Variants in ZCCHC4 observed in about 807,000 individuals in gnomAD.
The protein encoded by ZCCHC4 is rRNA N(6)-adenosine-methyltransferase ZCCHC4.
A neutral mutation model predicts 67.7 loss-of-function variants in ZCCHC4; 54 were observed. The observed-to-expected ratio is 0.80, with a 90% CI of 0.64 to 1.00. The LOEUF (loss-of-function observed/expected upper bound fraction) is 1.00, where lower values mean the gene tolerates loss of function less well. ZCCHC4 is among the 50% of genes least tolerant of loss of function. ZCCHC4 has a pLI of 0.00. For synonymous variants in ZCCHC4, 198 were observed against 213.5 expected (o/e 0.93, Z 0.63); for missense variants, 609 against 617.0 (o/e 0.99, Z 0.14).
At chr4:25,318,647 G>C (rs1437122723) in intron 3 of ZCCHC4, among the ~76,000 whole-genome samples, 4 of 151,662 alleles carry the variant, frequency 2.6e-5, no homozygotes, top group Non-Finnish European at 5.9e-5. Context: ...GAGCCACCAT[G>C]CCAGGCCTAA....
intron 3 of ZCCHC4, among the ~76,000 whole-genome samples, chr4:25,317,704 C>CAAAAAAAAAAAA (rs778867924): frequency 9.7e-5 from 7 of 72,352 alleles, no homozygotes; most frequent in Non-Finnish European, 1.6e-4. Context: ...GACGCTGTCA[C>CAAAAAAAAAAAA]AAAAAAAAAA....
chr4:25,354,977 C>A (rs144281317), intron 8 of ZCCHC4, among the ~76,000 whole-genome samples: 1,370 of 131,492 alleles, frequency 0.01, 14 homozygotes, highest in African/African-American at 0.036. Context: ...CAGTAAAAAA[C>A]CCCAAATCAC....
intron 2 of ZCCHC4, among the ~76,000 whole-genome samples, chr4:25,314,799 T>TTG (rs1441715759): frequency 6.6e-6 from 1 of 152,192 alleles, no homozygotes; most frequent in African/African-American, 2.4e-5. Context: ...CAGATACAGA[T>TTG]TGCTCACTAA....
chr4:25,341,663 T>C (rs1719762175), intron 5 of ZCCHC4, among the ~76,000 whole-genome samples: 2 of 152,218 alleles, frequency 1.3e-5, no homozygotes, highest in Admixed American at 1.3e-4. Context: ...CAAAATGGAC[T>C]GACACAGAAG....
At chr4:25,354,656 C>A (rs1004285625) in intron 8 of ZCCHC4, among the ~76,000 whole-genome samples, 2 of 151,936 alleles carry the variant, frequency 1.3e-5, no homozygotes, top group Non-Finnish European at 2.9e-5. Flanking sequence ...GTTACTTTAA[C>A]TTCATTAAAA....
At chr4:25,336,819 CA>C (rs1719484629) in intron 5 of ZCCHC4, among the ~76,000 whole-genome samples, 1 of 152,124 alleles carries the variant, frequency 6.6e-6, no homozygotes, top group Non-Finnish European at 1.5e-5. Context: ...TGTTATATTT[CA>C]GGCCTTGCCC....
intron 3 of ZCCHC4, among the ~76,000 whole-genome samples, chr4:25,319,915 AT>A (rs888343040): frequency 4.9e-4 from 75 of 152,276 alleles, no homozygotes; most frequent in African/African-American, 1.8e-3. Context: ...TACATATTCT[AT>A]AAAGCAAATT....
At chr4:25,315,826 C>T (rs756464845) in intron 3 of ZCCHC4, among the ~76,000 whole-genome samples, 38 of 151,926 alleles carry the variant, frequency 2.5e-4, no homozygotes, top group Non-Finnish European at 4.0e-4. Flanking sequence ...CAGTCCTCCA[C>T]CTCAGCCTCA....
rs779158515 is a variant in ZCCHC4, at chr4:25,351,592, A to G, written c.914A>G (p.Asp305Gly). 6.2e-7 allele frequency: 1 copy of G among 1,602,140 alleles called. No individual in the cohort carries two copies. Among genetic ancestry groups the G allele is most frequent in the Non-Finnish European group, 8.5e-7 (1 of 1,173,048 alleles). Residue 305 changes from aspartate to glycine, a missense_variant, in exon 8 of 13, where the codon GAC becomes GGC. Coordinates refer to ENST00000302874, the MANE Select transcript of ZCCHC4 (RefSeq NM_024936.3). ...TTTCCTTTTTGTGATCCATTAGATG[A>G]CAGTCACAAAGAACTACCCATTTTC... ...AMWKEGQSQD[D>G]SHKELPIFWI...
At chr4:25,331,298 A>T (rs1480023472) in intron 3 of ZCCHC4, among the ~76,000 whole-genome samples, 1 of 152,128 alleles carries the variant, frequency 6.6e-6, no homozygotes. Context: ...CTGTCTGCGG[A>T]AGCTGTCAAC....
At chr4:25,322,084 G>A (rs1718612025) in intron 3 of ZCCHC4, among the ~76,000 whole-genome samples, 1 of 152,152 alleles carries the variant, frequency 6.6e-6, no homozygotes, top group Non-Finnish European at 1.5e-5. Flanking sequence ...ATGCTAAAAT[G>A]TGAAAAAATA....
intron 12 of ZCCHC4, chr4:25,365,477 A>G: frequency 9.4e-7 from 1 of 1,065,532 alleles, no homozygotes; most frequent in Non-Finnish European, 1.1e-6. Flanking sequence ...TTCATGCTTT[A>G]TTGAAGGACA....
Position 25,369,334 on chromosome 4 carries a change from G to T in ZCCHC4, c.*170G>T. 2 of 775,432 alleles carry T rather than the reference G, an allele frequency of 2.6e-6. No individual in the cohort carries two copies. Among genetic ancestry groups the T allele is most frequent in the Non-Finnish European group, 4.0e-6 (2 of 500,318 alleles). The allele number at this position is 775,432 out of a possible 1,614,324, so 48.0% of individuals were successfully genotyped here. On this transcript the variant is annotated 3_prime_UTR_variant, in exon 13 of 13. Transcript: ENST00000302874. The stretch of plus-strand genomic sequence containing the variant: ...TTTACAGTCCCTTATCTGCCTCTCT[G>T]GAGACATGGGGAGTTGTTCCATCTT...
intron 3 of ZCCHC4, among the ~76,000 whole-genome samples, chr4:25,319,246 G>T (rs549955684): frequency 6.6e-6 from 1 of 152,144 alleles, no homozygotes; most frequent in Non-Finnish European, 1.5e-5. Flanking sequence ...TTAGCTGGGC[G>T]TGGTGGCGGG....
rs755437967 is a variant in ZCCHC4 at position 25,312,822 on chromosome 4, A to G, written c.13A>G (p.Arg5Gly). The change falls in exon 1 of 13, where the codon AGG becomes GGG. Residue 5 changes from arginine (R) to glycine (G), a missense_variant. Physicochemically the swap from Arg to Gly is moderately radical, Grantham distance 125. Coordinates refer to ENST00000302874, the MANE Select transcript of ZCCHC4 (RefSeq NM_024936.3). ...CGGCGGCGGGAAGATGGCGGCCTCC[A>G]GGAATGGGTTTGAAGCCGTGGAGGC... is the stretch of plus-strand genomic sequence containing the variant. MAAS[R>G]NGFEAVEAEG... 8 of 1,613,238 alleles carry G rather than the reference A, an allele frequency of 5.0e-6. No individual in the cohort carries two copies. The South Asian group carries it at 5.5e-5, about 11-fold the overall frequency.
At chr4:25,355,021 G>C (rs975183796) in intron 8 of ZCCHC4, among the ~76,000 whole-genome samples, 1 of 148,940 alleles carries the variant, frequency 6.7e-6, no homozygotes, top group African/African-American at 2.5e-5. Context: ...TCCCAGGTAA[G>C]AGGAAGGCAG....
chr4:25,316,347 G>A (rs1718263808), intron 3 of ZCCHC4, among the ~76,000 whole-genome samples: 1 of 152,298 alleles, frequency 6.6e-6, no homozygotes, highest in South Asian at 2.1e-4. Flanking sequence ...ATACCTAGAT[G>A]TGGAATTGTC....
intron 5 of ZCCHC4, among the ~76,000 whole-genome samples, chr4:25,339,090 CTT>C (rs1719607191): frequency 6.6e-6 from 1 of 152,150 alleles, no homozygotes; most frequent in Admixed American, 6.5e-5. Flanking sequence ...AAGTTCTTCT[CTT>C]TGTGTGCGTA....
At chr4:25,356,494 A>G (rs1422317444) in intron 8 of ZCCHC4, among the ~76,000 whole-genome samples, 1 of 152,106 alleles carries the variant, frequency 6.6e-6, no homozygotes, top group Admixed American at 6.6e-5. Flanking sequence ...AAAGTCAAGC[A>G]ATCAACCACC....
Sources: allele counts gnomAD v4.1 joint callset (sites outside exome capture counted in the v4.1 genomes callset), GRCh38; gene constraint gnomAD v4.1.1; transcripts MANE v1.5; gene names NCBI Gene and HGNC (gene_info 2026-07-23, HGNC 2026-07-21).